Variants in APBB2 observed in about 807,000 individuals in gnomAD.
APBB2 encodes amyloid beta precursor protein binding family B member 2, also known as Fe65-like 1.
A neutral mutation model predicts 82.5 loss-of-function variants in APBB2; 38 were observed. The ratio of observed to expected loss-of-function variants is 0.46; its 90% CI spans 0.36 to 0.60. The LOEUF (loss-of-function observed/expected upper bound fraction) is 0.60. Among genes scored for constraint, APBB2 ranks in the 20% least tolerant of loss-of-function variants. The pLI, the probability that APBB2 is intolerant of heterozygous loss-of-function variation, is 0.00. For synonymous variants in APBB2, 341 were observed against 368.2 expected (o/e 0.93, Z 0.85); for missense variants, 772 against 972.3 (o/e 0.79, Z 2.74).
chr4:40,843,688 G>A (rs1756653500), intron 12 of APBB2, among the ~76,000 whole-genome samples: 1 of 152,180 alleles, frequency 6.6e-6, no homozygotes, highest in South Asian at 2.1e-4. Context: ...ATGCCCCAGG[G>A]CAGTTAACAG....
chr4:41,055,834 A>G (rs572990685), intron 4 of APBB2, among the ~76,000 whole-genome samples: 2 of 152,358 alleles, frequency 1.3e-5, no homozygotes, highest in African/African-American at 4.8e-5. Context: ...AGTGAAGAAT[A>G]AAAGTATACA....
intron 1 of APBB2, among the ~76,000 whole-genome samples, chr4:41,160,029 GAAGAAGAAA>G (rs1407640808): frequency 2.0e-4 from 29 of 146,040 alleles, no homozygotes; most frequent in African/African-American, 7.0e-4. Context: ...AGAAGAAGAA[GAAGAAGAAA>G]ACATCACAGG....
chr4:40,941,210 C>T (rs974211940), intron 7 of APBB2, among the ~76,000 whole-genome samples: 1 of 151,818 alleles, frequency 6.6e-6, no homozygotes, highest in Non-Finnish European at 1.5e-5. Context: ...CAACATATTA[C>T]AAGCTTCTTC....
In APBB2 at chr4:40,944,230, G is replaced by C. The variant is rs377311281; in HGVS notation, c.1044+635C>G. 2.0e-5 allele frequency among the ~76,000 whole-genome samples: 3 copies of C among 152,130 alleles called. No homozygotes were observed. In the East Asian group the frequency reaches 5.8e-4, roughly 29 times the overall value. ...TCGGGATTCACAAAAGTTCACTGTG[G>C]GGATCCTTATACTAATAAACACCAC... On this transcript the variant is annotated intron_variant, in intron 7 of 17. Coordinates refer to ENST00000508593, the MANE Select transcript of APBB2 (RefSeq NM_004307.2).
chr4:41,083,342 T>C (rs969487831), intron 3 of APBB2, among the ~76,000 whole-genome samples: 2 of 152,034 alleles, frequency 1.3e-5, no homozygotes, highest in African/African-American at 4.8e-5. Flanking sequence ...CTTGTTAAAG[T>C]ATATAGCTTT....
chr4:40,940,808 A>C (rs941160306), intron 7 of APBB2, among the ~76,000 whole-genome samples: 1 of 152,250 alleles, frequency 6.6e-6, no homozygotes, highest in African/African-American at 2.4e-5. Flanking sequence ...CTTGGCCACA[A>C]GCCAATGGAT....
chr4:41,080,718 TA>T (rs1036027002), intron 3 of APBB2, among the ~76,000 whole-genome samples: 1 of 148,980 alleles, frequency 6.7e-6, no homozygotes, highest in African/African-American at 2.5e-5. Context: ...TTTTTTTTTT[TA>T]AAGATGTTGT....
intron 10 of APBB2, among the ~76,000 whole-genome samples, chr4:40,931,232 G>A (rs1247315547): frequency 6.6e-6 from 1 of 152,194 alleles, no homozygotes; most frequent in African/African-American, 2.4e-5. Context: ...TGGCCCCCAG[G>A]CAACACAAAA....
chr4:40,945,517 G>A (rs1788128298), intron 6 of APBB2, among the ~76,000 whole-genome samples: 2 of 152,178 alleles, frequency 1.3e-5, no homozygotes, highest in South Asian at 4.1e-4. Context: ...TTCTGTAAAT[G>A]AGTGCTGTAT....
chr4:41,089,086 C>T (rs948130362), intron 3 of APBB2, among the ~76,000 whole-genome samples: 8 of 152,122 alleles, frequency 5.3e-5, no homozygotes, highest in Non-Finnish European at 7.3e-5. Flanking sequence ...TGCAAACCAT[C>T]GCAGGTTAAA....
intron 7 of APBB2, among the ~76,000 whole-genome samples, chr4:40,944,607 A>G (rs1287403178): frequency 1.3e-5 from 2 of 152,202 alleles, no homozygotes; most frequent in Non-Finnish European, 2.9e-5. Context: ...ACCACTTCTC[A>G]TTAATCAGCC....
intron 3 of APBB2, among the ~76,000 whole-genome samples, chr4:41,096,307 T>C (rs1743436064): frequency 6.6e-6 from 1 of 152,200 alleles, no homozygotes; most frequent in African/African-American, 2.4e-5. Context: ...TCTAACTGTA[T>C]CAAGGTAGCA....
chr4:40,909,762 C>T (rs1019241792), intron 10 of APBB2, among the ~76,000 whole-genome samples: 5 of 152,098 alleles, frequency 3.3e-5, no homozygotes, highest in Non-Finnish European at 7.4e-5. Context: ...GACTATTTAT[C>T]GAGGGCTCAC....
chr4:41,097,429 CCTTT>C (rs1480975539), intron 3 of APBB2, among the ~76,000 whole-genome samples: 1 of 152,180 alleles, frequency 6.6e-6, no homozygotes, highest in African/African-American at 2.4e-5. Context: ...TATTTACACT[CCTTT>C]CTAACTGAAA....
chr4:41,166,992 G>A (rs1208383035), intron 1 of APBB2, among the ~76,000 whole-genome samples: 2 of 152,190 alleles, frequency 1.3e-5, no homozygotes, highest in African/African-American at 4.8e-5. Context: ...CCACACTTCT[G>A]TCTTGGCTAC....
chr4:41,082,334 T>C (rs187405749), intron 3 of APBB2, among the ~76,000 whole-genome samples: 2 of 152,272 alleles, frequency 1.3e-5, no homozygotes, highest in Admixed American at 6.5e-5. Context: ...AGTCTCCCAC[T>C]ATGCAACAAA....
chr4:40,934,433 G>A (rs773690921), intron 10 of APBB2, 23 bp downstream of exon 10: 3 of 1,607,104 alleles, frequency 1.9e-6, no homozygotes, highest in Admixed American at 3.3e-5. Context: ...TAACCTGGTG[G>A]CTGAAAGCAA....
In APBB2 at chr4:41,151,166, G is replaced by A. The variant is rs989131961; in HGVS notation, c.-416-8024C>T. 2.6e-5 allele frequency among the ~76,000 whole-genome samples: 4 copies of A among 152,100 alleles called. 1 individual carries two copies. ...TATCTTTTTTTAATGGCATTTTAAA[G>A]ATGTGGGGCAATGTTTATCTTAAAA... On this transcript the variant is annotated intron_variant, in intron 1 of 17. Coordinates refer to ENST00000508593, the MANE Select transcript of APBB2 (RefSeq NM_004307.2).
chr4:40,870,176 T>C (rs192212523), intron 12 of APBB2, among the ~76,000 whole-genome samples: 14 of 152,296 alleles, frequency 9.2e-5, no homozygotes, highest in African/African-American at 3.4e-4. Context: ...TTGACTTCAC[T>C]AAGAAAAATA....
Sources: gnomAD v4.1 joint callset for allele counts (sites outside exome capture counted in the v4.1 genomes callset) on GRCh38, gnomAD v4.1.1 for gene constraint, MANE v1.5 for transcripts, NCBI Gene and HGNC (gene_info 2026-07-23, HGNC 2026-07-21) for gene names.